LRRC7: variants seen among roughly 807,000 people sequenced by gnomAD.
LRRC7 encodes leucine-rich repeat-containing protein 7.
LRRC7 carries 23 observed loss-of-function variants against 175.7 expected under a neutral mutation model. The observed-to-expected ratio is 0.13, with a 90% CI of 0.09 to 0.19. The LOEUF (loss-of-function observed/expected upper bound fraction) is 0.19. LRRC7 is among the 10% of genes least tolerant of loss of function. The pLI, the probability that LRRC7 is intolerant of heterozygous loss-of-function variation, is 1.00. For missense variants in LRRC7, 1,354 were observed against 1,904.7 expected (o/e 0.71, Z 5.38); for synonymous variants, 685 against 680.9 (o/e 1.01, Z -0.09).
chr1:70,063,324 G>A (rs942735357), intron 23 of LRRC7, among the ~76,000 whole-genome samples: 1 of 152,058 alleles, frequency 6.6e-6, no homozygotes, highest in South Asian at 2.1e-4. Context: ...TAACTCAATA[G>A]CATTTATATT....
At chr1:69,815,805 C>T (rs1678516538) in intron 4 of LRRC7, among the ~76,000 whole-genome samples, 2 of 152,052 alleles carry the variant, frequency 1.3e-5, no homozygotes, top group African/African-American at 4.8e-5. Flanking sequence ...GGAAATCTAT[C>T]TCATGAGGGC....
chr1:70,012,743 T>C (rs1405668081), intron 12 of LRRC7, among the ~76,000 whole-genome samples: 1 of 151,172 alleles, frequency 6.6e-6, no homozygotes, highest in Non-Finnish European at 1.5e-5. Flanking sequence ...ATAAAGAAAA[T>C]TCTTCATTTT....
chr1:69,781,920 G>GAAAGAAAGAAAGAAAGAAAGAA (rs1553155311), intron 3 of LRRC7, among the ~76,000 whole-genome samples: 15 of 92,440 alleles, frequency 1.6e-4, no homozygotes, highest in African/African-American at 2.5e-4. Flanking sequence ...AAAGAAGAAA[G>GAAAGAAAGAAAGAAAGAAAGAA]AAAGAAAGAA....
At chr1:69,668,673 G>T (rs919477520) in intron 1 of LRRC7, among the ~76,000 whole-genome samples, 1 of 152,200 alleles carries the variant, frequency 6.6e-6, no homozygotes, top group African/African-American at 2.4e-5. Flanking sequence ...TAATGGGATT[G>T]CTGGGTCAAA....
Position 69,877,210 on chromosome 1 carries a change from CG to C in LRRC7, c.647+38929del, listed in dbSNP as rs1259090680. 3.0e-4 allele frequency among the ~76,000 whole-genome samples: 46 copies of C among 152,090 alleles called. 1 individual carries two copies. Among genetic ancestry groups the C allele is most frequent in the Admixed American group, 2.9e-3 (45 of 15,256 alleles). ...GTTTTGATGAAATGGTTTTAAGCAGCGGAATGACACGTTAGATTTGTAAGTG... is the reference window on the plus strand; with the variant it reads ...GTTTTGATGAAATGGTTTTAAGCAGCGAATGACACGTTAGATTTGTAAGTG... On this transcript the variant is annotated intron_variant, in intron 7 of 26. Coordinates refer to ENST00000651989, the MANE Select transcript of LRRC7 (RefSeq NM_001370785.2).
At chr1:70,065,608 A>T (rs997968104) in intron 23 of LRRC7, among the ~76,000 whole-genome samples, 5 of 151,998 alleles carry the variant, frequency 3.3e-5, no homozygotes, top group Non-Finnish European at 7.4e-5. Flanking sequence ...ATCCATGAAT[A>T]CAGACTCCTC....
At chr1:69,673,813 C>A (rs111468420) in intron 1 of LRRC7, among the ~76,000 whole-genome samples, 9 of 152,092 alleles carry the variant, frequency 5.9e-5, no homozygotes, top group African/African-American at 2.2e-4. Flanking sequence ...ATTTGTGTAT[C>A]GTTCATGTAA....
intron 2 of LRRC7, among the ~76,000 whole-genome samples, chr1:69,707,750 G>A (rs1299791446): frequency 6.6e-6 from 1 of 152,124 alleles, no homozygotes; most frequent in Non-Finnish European, 1.5e-5. Context: ...TATAGTCTTG[G>A]AGGTAGGTAA....
intron 8 of LRRC7, among the ~76,000 whole-genome samples, chr1:69,970,600 A>G (rs1041550826): frequency 6.6e-6 from 1 of 152,166 alleles, no homozygotes; most frequent in Non-Finnish European, 1.5e-5. Flanking sequence ...TACTCTGAAC[A>G]GGCCAATAAC....
At chr1:69,812,668 G>A (rs201548951) in intron 4 of LRRC7, among the ~76,000 whole-genome samples, 1 of 151,934 alleles carries the variant, frequency 6.6e-6, no homozygotes, top group Non-Finnish European at 1.5e-5. Flanking sequence ...GTCTTTATTA[G>A]CATATAACAT....
At chr1:70,025,026 A>G (rs1657939162) in intron 17 of LRRC7, among the ~76,000 whole-genome samples, 1 of 152,050 alleles carries the variant, frequency 6.6e-6, no homozygotes, top group African/African-American at 2.4e-5. Context: ...TATGTGCTGC[A>G]CCCACACTCT....
chr1:69,770,999 G>T (rs897739951), intron 3 of LRRC7, among the ~76,000 whole-genome samples: 7 of 152,122 alleles, frequency 4.6e-5, no homozygotes, highest in Admixed American at 3.9e-4. Context: ...AAGGCTGCAT[G>T]ATTTTGTCCC....
chr1:70,079,216 A>G (rs1290040665), intron 24 of LRRC7, among the ~76,000 whole-genome samples: 2 of 152,216 alleles, frequency 1.3e-5, no homozygotes, highest in Non-Finnish European at 2.9e-5. Context: ...CATGAAAATT[A>G]TGGAGTAGTG....
At chr1:69,908,441 CCAGAGATT>C (rs1317044673) in intron 7 of LRRC7, among the ~76,000 whole-genome samples, 1 of 151,820 alleles carries the variant, frequency 6.6e-6, no homozygotes, top group Non-Finnish European at 1.5e-5. Context: ...TGAATGTGTC[CCAGAGATT>C]CTGGTATGTT....
chr1:69,686,639 A>C (rs925341091), intron 2 of LRRC7, among the ~76,000 whole-genome samples: 14 of 152,186 alleles, frequency 9.2e-5, no homozygotes, highest in African/African-American at 3.4e-4. Context: ...TGAACTAAAT[A>C]TACTCATGTA....
intron 1 of LRRC7, among the ~76,000 whole-genome samples, chr1:69,605,733 T>G (rs12025096): frequency 0.063 from 9,607 of 152,202 alleles, 357 homozygotes; most frequent in Middle Eastern, 0.11. Context: ...GAAAGTATTT[T>G]AATAGACCAA....
intron 4 of LRRC7, among the ~76,000 whole-genome samples, chr1:69,810,575 A>C (rs1347712185): frequency 6.6e-6 from 1 of 152,190 alleles, no homozygotes; most frequent in Non-Finnish European, 1.5e-5. Flanking sequence ...CAAAACAGAT[A>C]TATAGACCAA....
At chr1:70,075,967 G>A (rs1662739891) in intron 23 of LRRC7, 110 bp from the exon 24 acceptor site, 2 of 1,101,690 alleles carry the variant, frequency 1.8e-6, no homozygotes, top group Non-Finnish European at 2.7e-6. Context: ...CCATGGCTGA[G>A]AGCCCAAATG....
At chr1:69,782,225 A>G (rs1201023699) in intron 3 of LRRC7, among the ~76,000 whole-genome samples, 2 of 152,236 alleles carry the variant, frequency 1.3e-5, no homozygotes, top group East Asian at 3.9e-4. Flanking sequence ...TCTCCTACAT[A>G]GAATATTCAA....
Sources: allele counts gnomAD v4.1 joint callset (sites outside exome capture counted in the v4.1 genomes callset), GRCh38; gene constraint gnomAD v4.1.1; transcripts MANE v1.5; gene names NCBI Gene and HGNC (gene_info 2026-07-23, HGNC 2026-07-21).